The following GRIN2B variants were observed in gnomAD, a reference collection of about 807,000 sequenced individuals.
GRIN2B encodes the protein glutamate ionotropic receptor NMDA type subunit 2B, also known as glutamate receptor ionotropic, NMDA 2B.
GRIN2B carries 5 observed loss-of-function variants against 114.5 expected under a neutral mutation model. The ratio of observed to expected loss-of-function variants is 0.04; its 90% CI spans 0.02 to 0.09. The LOEUF (loss-of-function observed/expected upper bound fraction) is 0.09. Ranked by LOEUF, GRIN2B falls within the 10% of genes least tolerant of loss-of-function variation. The probability of loss-of-function intolerance (pLI) is 1.00; values close to 1 mark genes in which losing one functional copy is unlikely to be tolerated. For synonymous variants in GRIN2B, 787 were observed against 745.1 expected, an observed-to-expected ratio of 1.06 and a Z score of -0.92; for missense variants, 1,108 against 1,943.5, an observed-to-expected ratio of 0.57 and a Z score of 8.08.
intron 2 of GRIN2B, among the ~76,000 whole-genome samples, chr12:13,926,880 G>T (rs1368837321): frequency 4.6e-5 from 7 of 151,664 alleles, no homozygotes; most frequent in Non-Finnish European, 1.0e-4. Flanking sequence ...GTGAACCCAG[G>T]AGGTGGAGCT....
At chr12:13,820,235 T>C (rs763858271) in intron 3 of GRIN2B, among the ~76,000 whole-genome samples, 5 of 152,182 alleles carry the variant, frequency 3.3e-5, no homozygotes, top group Admixed American at 6.5e-5. Flanking sequence ...ACTAGATCAA[T>C]GGCCAAATAC....
chr12:13,737,218 T>C (rs1863200651), intron 4 of GRIN2B, among the ~76,000 whole-genome samples: 1 of 151,936 alleles, frequency 6.6e-6, no homozygotes, highest in Admixed American at 6.6e-5. Flanking sequence ...ATCTTTTTTT[T>C]TTCTTTTTTT....
At chr12:13,853,341 T>A (rs991524672) in intron 3 of GRIN2B, among the ~76,000 whole-genome samples, 21 of 152,182 alleles carry the variant, frequency 1.4e-4, no homozygotes, top group Non-Finnish European at 2.6e-4. Context: ...ACTGAGAAAG[T>A]ATGTTGTTTG....
At chr12:13,626,153 A>T (rs1949564055) in intron 5 of GRIN2B, among the ~76,000 whole-genome samples, 4 of 152,154 alleles carry the variant, frequency 2.6e-5, no homozygotes, top group Admixed American at 6.5e-5. Context: ...TCCAATGAAG[A>T]CCTGTCTTCT....
Position 13,564,783 on chromosome 12 carries a change from G to A in GRIN2B, c.2599-144C>T. ...ATAGTCTAATATACTATTAGATGTGGCTAGAAGTTTGCCTAATTTATACCC... is the reference window on the plus strand; with the variant it reads ...ATAGTCTAATATACTATTAGATGTGACTAGAAGTTTGCCTAATTTATACCC... On this transcript the variant is annotated intron_variant, in intron 13 of 13. Transcript: ENST00000609686. This position sits in a 1 kb window ranked among gnomAD's most constrained non-coding sequence, Gnocchi z 4.8. The A allele has an allele frequency of 1.2e-6, 1 of 828,260 alleles. No homozygotes were observed. Among genetic ancestry groups the A allele is most frequent in the East Asian group, 2.6e-5 (1 of 38,798 alleles). 51.3% of individuals were successfully genotyped at this position (828,260 alleles called of 1,614,324 possible).
chr12:13,588,608 C>T (rs545350817), intron 10 of GRIN2B, among the ~76,000 whole-genome samples: 1 of 152,206 alleles, frequency 6.6e-6, no homozygotes, highest in Non-Finnish European at 1.5e-5. Context: ...TGCACTAGAA[C>T]TAGAAGGGAC....
chr12:13,875,071 C>A (rs370234845), intron 2 of GRIN2B, among the ~76,000 whole-genome samples: 2 of 152,150 alleles, frequency 1.3e-5, no homozygotes, highest in African/African-American at 2.4e-5. Context: ...CTCTCTCCCC[C>A]ACTCCCTCCC....
chr12:13,760,439 C>A (rs190584256), intron 3 of GRIN2B, among the ~76,000 whole-genome samples: 67 of 152,318 alleles, frequency 4.4e-4, no homozygotes, highest in Non-Finnish European at 6.3e-4. Context: ...AAGTCTTTCA[C>A]ATTATTCAAA....
Position 13,551,928 on chromosome 12 carries a change from A to C in GRIN2B, c.*10855T>G, listed in dbSNP as rs1057417126. On this transcript the variant is annotated 3_prime_UTR_variant, in exon 14 of 14. Transcript: ENST00000609686. ...GACAGTTAACTGCAAGACTGTTCTGAATAGGGCTGAAGTTTTAGGCAGGCA... is the reference window on the plus strand; with the variant it reads ...GACAGTTAACTGCAAGACTGTTCTGCATAGGGCTGAAGTTTTAGGCAGGCA... 10 of 152,162 alleles carry C rather than the reference A, an allele frequency of 6.6e-5. No homozygotes were observed. The highest frequency in any genetic ancestry group is 2.4e-4 in the African/African-American group (10 of 41,430). 9.4% of individuals were successfully genotyped at this position (152,162 alleles called of 1,614,324 possible). A position where few individuals can be genotyped will look rare whatever the true frequency, so the allele number is the denominator to read the frequency against.
chr12:13,567,347 C>T, intron 12 of GRIN2B, 84 bp from the exon 13 acceptor site: 2 of 872,248 alleles, frequency 2.3e-6, no homozygotes, highest in Non-Finnish European at 3.8e-6. Flanking sequence ...GAGTATTGAG[C>T]AAGAAAGAGA....
At chr12:13,790,809 T>C (rs988135254) in intron 3 of GRIN2B, among the ~76,000 whole-genome samples, 6 of 152,214 alleles carry the variant, frequency 3.9e-5, no homozygotes, top group Non-Finnish European at 7.3e-5. Context: ...TGAGGACCTA[T>C]GCCAGGACTG....
chr12:13,726,242 T>TA (rs959422499), intron 4 of GRIN2B, among the ~76,000 whole-genome samples: 2 of 151,150 alleles, frequency 1.3e-5, no homozygotes, highest in Admixed American at 6.6e-5. Context: ...TTTTTTTAAT[T>TA]AAAAAAAAAT....
chr12:13,626,119 A>T (rs1949563490), intron 5 of GRIN2B, among the ~76,000 whole-genome samples: 1 of 152,158 alleles, frequency 6.6e-6, no homozygotes, highest in Non-Finnish European at 1.5e-5. Context: ...ACCGAGCTCT[A>T]CCTTCTCCTT....
intron 3 of GRIN2B, among the ~76,000 whole-genome samples, chr12:13,758,333 G>A (rs937099042): frequency 6.6e-6 from 1 of 151,900 alleles, no homozygotes; most frequent in African/African-American, 2.4e-5. Context: ...CTGCTTCCCT[G>A]GGAACCTGAC....
At chr12:13,797,201 C>G (rs909315837) in intron 3 of GRIN2B, among the ~76,000 whole-genome samples, 1 of 152,128 alleles carries the variant, frequency 6.6e-6, no homozygotes, top group Non-Finnish European at 1.5e-5. Flanking sequence ...TCCTGGTTTA[C>G]AGATGATGCC....
chr12:13,664,568 C>T (rs1230716224), intron 5 of GRIN2B, among the ~76,000 whole-genome samples: 1 of 152,144 alleles, frequency 6.6e-6, no homozygotes, highest in Non-Finnish European at 1.5e-5. Flanking sequence ...TCTGAATTAA[C>T]TCAAATACTA....
chr12:13,844,840 A>G (rs930621307), intron 3 of GRIN2B, among the ~76,000 whole-genome samples: 23 of 152,128 alleles, frequency 1.5e-4, no homozygotes, highest in Admixed American at 3.9e-4. Flanking sequence ...TACTTTGAAA[A>G]CTGTAAAACA....
intron 5 of GRIN2B, among the ~76,000 whole-genome samples, chr12:13,642,980 T>A (rs1281960563): frequency 6.6e-6 from 1 of 152,176 alleles, no homozygotes; most frequent in Non-Finnish European, 1.5e-5. Context: ...CACAAAAGAA[T>A]ACACCATCAA....
intron 4 of GRIN2B, among the ~76,000 whole-genome samples, chr12:13,711,516 T>C (rs1386740563): frequency 6.6e-6 from 1 of 151,900 alleles, no homozygotes; most frequent in Non-Finnish European, 1.5e-5. Flanking sequence ...TACAATGAAC[T>C]CCAACAAATT....
Sources: gnomAD v4.1 joint callset for allele counts (sites outside exome capture counted in the v4.1 genomes callset) on GRCh38, gnomAD v4.1.1 for gene constraint, Gnocchi (gnomAD v3.1) non-coding constraint, MANE v1.5 for transcripts, NCBI Gene and HGNC (gene_info 2026-07-23, HGNC 2026-07-21) for gene names.